DRC11: variants seen among roughly 807,000 people sequenced by gnomAD.
The protein encoded by DRC11 is IQ and AAA domain-containing protein 1.
the DRC11 span, among the ~76,000 whole-genome samples, chr2:236,498,808 A>G: frequency 6.6e-6 from 1 of 152,260 alleles, no homozygotes; most frequent in African/African-American, 2.4e-5. Flanking sequence ...TTCCTGCCAG[A>G]GCCAATACCT....
the DRC11 span, among the ~76,000 whole-genome samples, chr2:236,355,491 T>G: frequency 2.0e-5 from 3 of 152,334 alleles, no homozygotes; most frequent in South Asian, 2.1e-4. Context: ...GGCCTCTTCA[T>G]GGACGACCCA....
At chr2:236,434,535 A>G in the DRC11 span, among the ~76,000 whole-genome samples, 2 of 152,240 alleles carry the variant, frequency 1.3e-5, no homozygotes, top group South Asian at 2.1e-4. The surrounding 1 kb of genome is among the most constrained non-coding windows in gnomAD (Gnocchi z 5.5). Context: ...CCATTTATAG[A>G]TGAGAAAACT....
chr2:236,490,886 T>A, the DRC11 span, among the ~76,000 whole-genome samples: 1 of 150,100 alleles, frequency 6.7e-6, no homozygotes, highest in Non-Finnish European at 1.5e-5. This position sits in a 1 kb window ranked among gnomAD's most constrained non-coding sequence, Gnocchi z 5.5. Context: ...ACAGTACGTA[T>A]CCCAAGAAGA....
chr2:236,433,595 TCCC>T, the DRC11 span, among the ~76,000 whole-genome samples: 1 of 152,192 alleles, frequency 6.6e-6, no homozygotes, highest in Non-Finnish European at 1.5e-5. Flanking sequence ...AATTTTGTAA[TCCC>T]CCCATCTTGC....
At chr2:236,434,825 T>G in the DRC11 span, among the ~76,000 whole-genome samples, 1 of 152,324 alleles carries the variant, frequency 6.6e-6, no homozygotes, top group East Asian at 1.9e-4. This position sits in a 1 kb window ranked among gnomAD's most constrained non-coding sequence, Gnocchi z 5.5. Flanking sequence ...AAAATGTGTC[T>G]GGATGCTTGC....
the DRC11 span, among the ~76,000 whole-genome samples, chr2:236,357,662 T>C: frequency 5.2e-5 from 6 of 114,816 alleles, no homozygotes; most frequent in African/African-American, 1.1e-4. Flanking sequence ...ATTATATTCA[T>C]AATACATAAA....
chr2:236,465,757 G>T, the DRC11 span: 1 of 1,208,734 alleles, frequency 8.3e-7, no homozygotes, highest in East Asian at 2.4e-5. The surrounding 1 kb of genome is among the most constrained non-coding windows in gnomAD (Gnocchi z 6.2). Context: ...AAAAGTTACA[G>T]AGTTGGTAAA....
chr2:236,374,390 C>A, the DRC11 span, among the ~76,000 whole-genome samples: 1 of 152,130 alleles, frequency 6.6e-6, no homozygotes, highest in Non-Finnish European at 1.5e-5. Context: ...GGATATTTGA[C>A]TACTTTGGTT....
chr2:236,366,924 C>T, the DRC11 span, among the ~76,000 whole-genome samples: 3 of 151,790 alleles, frequency 2.0e-5, no homozygotes, highest in African/African-American at 7.3e-5. Flanking sequence ...ATTTTCCAGC[C>T]TCAGCCTCCT....
chr2:236,331,400 T>C, the DRC11 span: 6 of 1,613,878 alleles, frequency 3.7e-6, no homozygotes, highest in Non-Finnish European at 5.1e-6. This position sits in a 1 kb window ranked among gnomAD's most constrained non-coding sequence, Gnocchi z 4.8. Flanking sequence ...GGATTCATGC[T>C]GGTTATCGCC....
the DRC11 span, among the ~76,000 whole-genome samples, chr2:236,496,402 C>T: frequency 1.2e-4 from 19 of 152,338 alleles, no homozygotes; most frequent in African/African-American, 4.6e-4. The surrounding 1 kb of genome is among the most constrained non-coding windows in gnomAD (Gnocchi z 6.3). Flanking sequence ...GATTTTACTT[C>T]AAGGAAATGT....
At chr2:236,387,465 T>C in the DRC11 span, among the ~76,000 whole-genome samples, 1 of 150,618 alleles carries the variant, frequency 6.6e-6, no homozygotes, top group Non-Finnish European at 1.5e-5. Context: ...GTCTGTTTTA[T>C]CAGAGACTAG....
At chr2:236,398,461 T>C in the DRC11 span, among the ~76,000 whole-genome samples, 5 of 152,316 alleles carry the variant, frequency 3.3e-5, no homozygotes, top group South Asian at 1.0e-3. This position sits in a 1 kb window ranked among gnomAD's most constrained non-coding sequence, Gnocchi z 6.2. Flanking sequence ...AAGTTAATAA[T>C]ATCCAGAGAA....
the DRC11 span, among the ~76,000 whole-genome samples, chr2:236,331,001 G>A: frequency 6.6e-6 from 1 of 152,166 alleles, no homozygotes; most frequent in Admixed American, 6.5e-5. The surrounding 1 kb of genome is among the most constrained non-coding windows in gnomAD (Gnocchi z 4.8). Flanking sequence ...GCATTGGCTT[G>A]AACTATACTA....
At chr2:236,378,678 A>C in the DRC11 span, among the ~76,000 whole-genome samples, 3 of 151,578 alleles carry the variant, frequency 2.0e-5, no homozygotes, top group Non-Finnish European at 4.4e-5. Flanking sequence ...CCGTCTCAAA[A>C]AAAAAAAAAA....
At chr2:236,335,501 C>T in the DRC11 span, among the ~76,000 whole-genome samples, 1 of 152,146 alleles carries the variant, frequency 6.6e-6, no homozygotes, top group African/African-American at 2.4e-5. The surrounding 1 kb of genome is among the most constrained non-coding windows in gnomAD (Gnocchi z 5.6). Context: ...TTCTCTCCTT[C>T]CTCTCCCATC....
chr2:236,412,193 C>A, the DRC11 span, among the ~76,000 whole-genome samples: 2 of 152,164 alleles, frequency 1.3e-5, no homozygotes, highest in Admixed American at 1.3e-4. Context: ...CTGCGCCCAG[C>A]CAATTCTCAC....
chr2:236,380,451 T>C, the DRC11 span: 4 of 802,464 alleles, frequency 5.0e-6, no homozygotes, highest in African/African-American at 6.9e-5. The surrounding 1 kb of genome is among the most constrained non-coding windows in gnomAD (Gnocchi z 4.9). Context: ...CTCCCACCAC[T>C]CCGGGACTGT....
the DRC11 span, among the ~76,000 whole-genome samples, chr2:236,424,254 A>G: frequency 6.6e-6 from 1 of 152,228 alleles, no homozygotes; most frequent in Admixed American, 6.5e-5. Context: ...ATATATAATT[A>G]TGAGCAGCTG....
Sources: gnomAD v4.1 joint callset for allele counts (sites outside exome capture counted in the v4.1 genomes callset) on GRCh38, gnomAD v4.1.1 for gene constraint, Gnocchi (gnomAD v3.1) non-coding constraint, MANE v1.5 for transcripts, NCBI Gene and HGNC (gene_info 2026-07-23, HGNC 2026-07-21) for gene names.